Variants in NRDE2 observed in about 807,000 individuals in gnomAD.
NRDE2 encodes nuclear exosome regulator NRDE2.
In NRDE2, 76 loss-of-function variants were observed where a neutral mutation model predicts 124.2. The ratio of observed to expected loss-of-function variants is 0.61; its 90% confidence interval spans 0.51 to 0.74. The LOEUF (loss-of-function observed/expected upper bound fraction) is 0.74, where lower values mean the gene tolerates loss of function less well. NRDE2 is among the 30% of genes least tolerant of loss of function. The probability of loss-of-function intolerance (pLI) is 0.00; values close to 1 mark genes in which losing one functional copy is unlikely to be tolerated. For synonymous variants in NRDE2, 489 were observed against 528.1 expected (o/e 0.93, Z 1.01); for missense variants, 1,314 against 1,417.3 (o/e 0.93, Z 1.17).
rs201223128 is a variant in NRDE2 at position 90,292,727 on chromosome 14, G to A, written c.1812C>T (p.Thr604=). The A allele has an allele frequency of 2.9e-4, 463 of 1,614,120 alleles. 2 individuals are homozygous for A. Among genetic ancestry groups the A allele is most frequent in the Non-Finnish European group, 3.7e-4 (434 of 1,179,986 alleles). The change falls in exon 9 of 14, where the codon ACC becomes ACT. Residue 604 remains threonine, a synonymous_variant. Transcript: ENST00000354366. ...PWRPDKTKKQ[T]EEDCEDPERQ... ...TCTCGGGATCCTCACAGTCTTCCTC[G>A]GTTTGCTTCTTGGTCTTATCAGGGC...
At chr14:90,299,051 A>T (rs1421185440) in intron 7 of NRDE2, among the ~76,000 whole-genome samples, 3 of 143,638 alleles carry the variant, frequency 2.1e-5, no homozygotes, top group African/African-American at 7.6e-5. Flanking sequence ...TGCATTTTTT[A>T]TTTTTATTTT....
At chr14:90,286,994 A>G (rs1049362331) in intron 11 of NRDE2, among the ~76,000 whole-genome samples, 5 of 129,946 alleles carry the variant, frequency 3.8e-5, no homozygotes, top group African/African-American at 1.4e-4. Context: ...AGATCACGCC[A>G]CTGCATTCCA....
At chr14:90,291,623 G>C (rs1358610543) in intron 9 of NRDE2, among the ~76,000 whole-genome samples, 1 of 148,020 alleles carries the variant, frequency 6.8e-6, no homozygotes, top group Non-Finnish European at 1.5e-5. Flanking sequence ...GGCCTCCCAG[G>C]TAAGTACCCT....
At chr14:90,323,380 T>C (rs1885309223) in intron 1 of NRDE2, among the ~76,000 whole-genome samples, 2 of 152,244 alleles carry the variant, frequency 1.3e-5, no homozygotes, top group African/African-American at 4.8e-5. Context: ...TTTTTAACTA[T>C]AATTGGATAA....
rs1194513487 is a variant in NRDE2, at chr14:90,271,330, CATAAT to C, written c.*7001_*7005del. ...AAAAGAAAACAATAACAGTAACCCA[CATAAT>C]ATGTTTGTTTGCTGTCCTTCTCTAT... On this transcript the variant is annotated 3_prime_UTR_variant, in exon 14 of 14. Transcript: ENST00000354366. 1.3e-5 allele frequency: 2 copies of C among 152,194 alleles called. No individual in the cohort carries two copies. The highest frequency in any genetic ancestry group is 2.4e-5 in the African/African-American group (1 of 41,450). The allele number at this position is 152,194 out of a possible 1,614,324, so 9.4% of individuals were successfully genotyped here. A position where few individuals can be genotyped will look rare whatever the true frequency, so the allele number is the denominator to read the frequency against.
intron 4 of NRDE2, among the ~76,000 whole-genome samples, chr14:90,305,392 T>G (rs1884561432): frequency 6.6e-6 from 1 of 152,196 alleles, no homozygotes; most frequent in Non-Finnish European, 1.5e-5. Flanking sequence ...AACACAGACC[T>G]AACCTATGAC....
intron 12 of NRDE2, among the ~76,000 whole-genome samples, chr14:90,283,106 C>T (rs562685503): frequency 6.6e-6 from 1 of 152,326 alleles, no homozygotes; most frequent in Non-Finnish European, 1.5e-5. Context: ...TCTCCCGCCT[C>T]TTCAGGCACT....
At chr14:90,313,473 A>C (rs1884927500) in intron 3 of NRDE2, among the ~76,000 whole-genome samples, 1 of 152,040 alleles carries the variant, frequency 6.6e-6, no homozygotes, top group African/African-American at 2.4e-5. Flanking sequence ...TTTTGCTTAT[A>C]CATCTGGACC....
intron 8 of NRDE2, among the ~76,000 whole-genome samples, chr14:90,297,154 A>T (rs1295709202): frequency 6.6e-6 from 1 of 151,404 alleles, no homozygotes; most frequent in Non-Finnish European, 1.5e-5. Flanking sequence ...AAAAAAAAAG[A>T]AAAAAAAGAA....
In NRDE2 at chr14:90,288,797, C is replaced by T. The variant is rs748314231; in HGVS notation, c.2578G>A (p.Gly860Arg). ...LTKLTESSPY[G>R]PYTGQVLAVH... is the part of the protein sequence containing the mutation. ...GCCAACACCTGTCCAGTGTAGGGCC[C>T]ATAGGGGCTGCTCTCAGTCAGCTTG... The change falls in exon 11 of 14, where the codon GGG becomes AGG. Residue 860 changes from glycine (G) to arginine (R), a missense_variant. Gly to Arg is a moderately radical substitution (Grantham distance 125, BLOSUM62 -2). Transcript: ENST00000354366. 3.1e-6 allele frequency: 5 copies of T among 1,614,140 alleles called. 1 individual carries two copies. The highest frequency in any genetic ancestry group is 1.3e-5 in the African/African-American group (1 of 75,056).
intron 11 of NRDE2, among the ~76,000 whole-genome samples, chr14:90,287,381 G>A (rs1316076882): frequency 1.3e-5 from 2 of 152,106 alleles, no homozygotes; most frequent in African/African-American, 4.8e-5. Flanking sequence ...ACTTTGGAAG[G>A]CTGAGACGGG....
In NRDE2 at chr14:90,269,264, T is replaced by C. The variant is rs182154639; in HGVS notation, c.*9072A>G. ...CTGAATTTATTTTTTCCGAGCATAA[T>C]TGAGGGAGTGCCATGTGAGTTGAAA... On this transcript the variant is annotated 3_prime_UTR_variant, in exon 14 of 14. Transcript: ENST00000354366. 2.5e-5 allele frequency: 19 copies of C among 747,190 alleles called. No individual in the cohort carries two copies. The Admixed American group carries it at 2.8e-4, about 11-fold the overall frequency. 46.3% of individuals were successfully genotyped at this position (747,190 alleles called of 1,614,324 possible). A position where few individuals can be genotyped will look rare whatever the true frequency, so the allele number is the denominator to read the frequency against.
In NRDE2 at chr14:90,270,425, TG is replaced by T. The variant is rs1891631613; in HGVS notation, c.*7910del. ...TCAGGAAAGAGTCTATATGTGCTCT[TG>T]GGATGGTGGTTGGCCTGGACAGGTG... On this transcript the variant is annotated 3_prime_UTR_variant, in exon 14 of 14. Transcript: ENST00000354366. 2 of 1,506,060 alleles carry T rather than the reference TG, an allele frequency of 1.3e-6. No individual in the cohort carries two copies. Among genetic ancestry groups the T allele is most frequent in the African/African-American group, 1.4e-5 (1 of 72,502 alleles). 93.3% of individuals were successfully genotyped at this position (1,506,060 alleles called of 1,614,324 possible).
intron 1 of NRDE2, among the ~76,000 whole-genome samples, chr14:90,328,766 T>C (rs1193962259): frequency 6.6e-6 from 1 of 152,240 alleles, no homozygotes; most frequent in Non-Finnish European, 1.5e-5. Context: ...TAAGTGACAC[T>C]ATGAGGATTT....
At chr14:90,330,234 T>A (rs1885631307) in intron 1 of NRDE2, among the ~76,000 whole-genome samples, 1 of 151,422 alleles carries the variant, frequency 6.6e-6, no homozygotes, top group East Asian at 1.9e-4. Flanking sequence ...AATAAATAAA[T>A]AAAAAGAAGT....
chr14:90,308,652 T>C (rs1279628738), intron 4 of NRDE2, among the ~76,000 whole-genome samples: 1 of 152,232 alleles, frequency 6.6e-6, no homozygotes, highest in Non-Finnish European at 1.5e-5. Flanking sequence ...GTTCTCGGCG[T>C]GTCAGTGTTC....
chr14:90,301,308 C>G lies in NRDE2; in HGVS notation c.1476G>C (p.Leu492Phe), dbSNP rs1178656395. 1.3e-5 allele frequency: 21 copies of G among 1,613,618 alleles called. No individual in the cohort carries two copies. The highest frequency in any genetic ancestry group is 1.8e-5 in the Non-Finnish European group (21 of 1,179,846). ...QAGHSEKAISLFQAMVDFTFF... is the reference protein window; with the variant it reads ...QAGHSEKAISFFQAMVDFTFF... ...AGGTGAAGTCCACCATGGCCTGGAA[C>G]AATGAGATGGCCTTCTCAGAGTGGC... Residue 492 changes from leucine to phenylalanine, a missense_variant, in exon 7 of 14, where the codon TTG (leucine) becomes TTC (phenylalanine). Physicochemically the swap from Leu to Phe is conservative, Grantham distance 22. Transcript: ENST00000354366.
At chr14:90,297,454 A>G (rs1010276241) in intron 8 of NRDE2, among the ~76,000 whole-genome samples, 3 of 152,176 alleles carry the variant, frequency 2.0e-5, no homozygotes, top group Non-Finnish European at 2.9e-5. Context: ...GGCTCACATT[A>G]TATTTCTATT....
intron 13 of NRDE2, chr14:90,278,697 C>T: frequency 1.8e-6 from 1 of 552,490 alleles, no homozygotes; most frequent in Non-Finnish European, 3.2e-6. Context: ...TAAAAGGGGT[C>T]CAGGAATTGC....
Sources: allele counts gnomAD v4.1 joint callset (sites outside exome capture counted in the v4.1 genomes callset), GRCh38; gene constraint gnomAD v4.1.1; transcripts MANE v1.5; gene names NCBI Gene and HGNC (gene_info 2026-07-23, HGNC 2026-07-21).